The following ZNF208 variants were observed in gnomAD, a reference collection of about 807,000 sequenced individuals.
ZNF208 encodes zinc finger protein 208, also known as zinc finger protein 95.
ZNF208 carries 10 observed loss-of-function variants against 12.1 expected under a neutral mutation model. The observed-to-expected ratio is 0.83, with a 90% CI of 0.51 to 1.40. ZNF208 has a LOEUF of 1.40. Among genes scored for constraint, ZNF208 ranks in the 40% most tolerant of loss-of-function variants. The pLI, the probability that ZNF208 is intolerant of heterozygous loss-of-function variation, is 0.00. For synonymous variants in ZNF208, 497 were observed against 488.4 expected, an observed-to-expected ratio of 1.02 and a Z score of -0.23; for missense variants, 1,652 against 1,485.0, an observed-to-expected ratio of 1.11 and a Z score of -1.85.
chr19:22,010,699 C>G, intron 1 of ZNF208, 93 bp downstream of exon 1: 1 of 1,594,304 alleles, frequency 6.3e-7, no homozygotes, highest in Non-Finnish European at 8.6e-7. Flanking sequence ...GTGGAGCTGA[C>G]TGCGGGGAGG....
At chr19:21,999,930 C>A (rs1970913201) in intron 1 of ZNF208, among the ~76,000 whole-genome samples, 1 of 152,168 alleles carries the variant, frequency 6.6e-6, no homozygotes, top group South Asian at 2.1e-4. Context: ...ACAGCCAGGT[C>A]TCTGGACAAG....
downstream of ZNF208, among the ~76,000 whole-genome samples, chr19:21,964,691 T>C (rs1329592762): frequency 1.3e-5 from 2 of 151,766 alleles, no homozygotes; most frequent in Non-Finnish European, 3.0e-5. Context: ...TAGGATTAGC[T>C]TATTATTACA....
chr19:21,958,764 G>T (rs1970017786), intron 4 of ZNF208, among the ~76,000 whole-genome samples: 1 of 136,680 alleles, frequency 7.3e-6, no homozygotes, highest in Non-Finnish European at 1.6e-5. Context: ...CCTCTCCAGT[G>T]AGGAATAGCC....
intron 1 of ZNF208, among the ~76,000 whole-genome samples, chr19:22,006,273 C>G (rs1971042571): frequency 6.6e-6 from 1 of 152,060 alleles, no homozygotes; most frequent in Non-Finnish European, 1.5e-5. Context: ...TTGCTTTTCC[C>G]TAGGAAAAAA....
In ZNF208 at chr19:21,999,568, T is replaced by C. The variant is rs372990473; in HGVS notation, c.4-10659A>G. Among the ~76,000 whole-genome samples the C allele has an allele frequency of 5.9e-5, 9 of 152,176 alleles. No homozygotes were observed. In the East Asian group the frequency reaches 1.2e-3, roughly 20 times the overall value. ...CAGGATCTTTTAGTCTTTATTATTCTGTATTGCTAAATTTAATCCAATCTT... is the reference window on the plus strand; with the variant it reads ...CAGGATCTTTTAGTCTTTATTATTCCGTATTGCTAAATTTAATCCAATCTT... On this transcript the variant is annotated intron_variant, in intron 1 of 3. Transcript: ENST00000397126.
In ZNF208 at chr19:21,999,507, AC is replaced by A. The variant is rs1188714905; in HGVS notation, c.4-10599del. Among the ~76,000 whole-genome samples, 3 of 152,106 alleles carry A rather than the reference AC, an allele frequency of 2.0e-5. No homozygotes were observed. The East Asian group carries it at 5.8e-4, about 29-fold the overall frequency. ...TAAGTATGTCAGCCAGCAAATAATC[AC>A]CCTGGATAATCAGGTTTCTGCCAAA... On this transcript the variant is annotated intron_variant, in intron 1 of 3. Transcript: ENST00000397126.
intron 4 of ZNF208, among the ~76,000 whole-genome samples, chr19:21,949,619 G>A (rs1008738512): frequency 5.9e-5 from 9 of 152,134 alleles, no homozygotes; most frequent in South Asian, 2.1e-4. Flanking sequence ...ACTAAAGCAA[G>A]CCTTACATAA....
intron 3 of ZNF208, among the ~76,000 whole-genome samples, chr19:21,978,643 C>T (rs1220182532): frequency 3.3e-5 from 5 of 152,134 alleles, no homozygotes; most frequent in Non-Finnish European, 7.4e-5. Flanking sequence ...GCTGAAAATT[C>T]CAAAACCCAG....
At chr19:21,950,263 T>G (rs1969869932) in intron 4 of ZNF208, among the ~76,000 whole-genome samples, 1 of 152,148 alleles carries the variant, frequency 6.6e-6, no homozygotes, top group African/African-American at 2.4e-5. Context: ...TTTTATCCAC[T>G]CTTTCTTGTC....
At chr19:22,005,448 GT>G (rs754569699) in intron 1 of ZNF208, among the ~76,000 whole-genome samples, 8 of 152,152 alleles carry the variant, frequency 5.3e-5, no homozygotes, top group Admixed American at 3.3e-4. Context: ...CAGGCCAGGA[GT>G]CTGTGATATC....
At chr19:21,994,206 A>G (rs1970788804) in intron 1 of ZNF208, among the ~76,000 whole-genome samples, 1 of 152,180 alleles carries the variant, frequency 6.6e-6, no homozygotes, top group African/African-American at 2.4e-5. Context: ...CTTGTGAATC[A>G]ACTACTAGAT....
intron 4 of ZNF208, chr19:21,941,182 G>A (rs1472683875): frequency 1.5e-5 from 6 of 395,342 alleles, no homozygotes; most frequent in Non-Finnish European, 2.7e-5. Flanking sequence ...GAGCGGCTGA[G>A]GGTGAAGCTG....
At chr19:21,944,949 A>G (rs540973708) in intron 4 of ZNF208, among the ~76,000 whole-genome samples, 1 of 152,338 alleles carries the variant, frequency 6.6e-6, no homozygotes, top group South Asian at 2.1e-4. Flanking sequence ...CAGCTTATTC[A>G]AGCAAAGCTC....
chr19:21,952,901 A>C (rs1185829626), intron 4 of ZNF208, among the ~76,000 whole-genome samples: 6 of 152,178 alleles, frequency 3.9e-5, no homozygotes, highest in African/African-American at 1.4e-4. Flanking sequence ...AAACAAACAC[A>C]AGGAAGCTAA....
At position 21,974,551 on chromosome 19, in the gene ZNF208, G is replaced by C. The variant is rs1970389761; in HGVS notation, c.483C>G (p.Asn161Lys). 6.2e-7 allele frequency: 1 copy of C among 1,613,434 alleles called. No individual in the cohort carries two copies. Among genetic ancestry groups the C allele is most frequent in the Admixed American group, 1.7e-5 (1 of 59,932 alleles). Reference sequence around the variant, plus strand: ...TTCCAGTATGCCTTATCTTATGTCTGTTTGAATTTGAACATTTATGAAAGA... The same window carrying C: ...TTCCAGTATGCCTTATCTTATGTCTCTTTGAATTTGAACATTTATGAAAGA... The part of the protein sequence containing the change: ...ANVFHKCSNS[N>K]RHKIRHTGKK... The change falls in exon 4 of 4, where the codon AAC becomes AAG. Residue 161 changes from asparagine to lysine, a missense_variant. Transcript: ENST00000397126.
In ZNF208 at chr19:21,974,691, T is replaced by G; in HGVS notation, c.343A>C (p.Ile115Leu). The change falls in exon 4 of 4, where the codon ATT becomes CTT. Residue 115 changes from isoleucine to leucine, a missense_variant. By Grantham distance (5) the Ile-to-Leu change is conservative. Around this residue, in one of 3 missense-constraint regions of ZNF208, gnomAD observed 410 missense variants for 378.2 expected, o/e 1.08. Coordinates refer to ENST00000397126, the MANE Select transcript of ZNF208 (RefSeq NM_007153.3). ...CACTCATCCACATTGGTATAACCAA[T>G]TTTTAAGTGTAAATTCTCATGTCCA... is the stretch of plus-strand genomic sequence containing the variant. ...KCGHENLHLK[I>L]GYTNVDECKV... 6.2e-7 allele frequency: 1 copy of G among 1,613,580 alleles called. No homozygotes were observed. The highest frequency in any genetic ancestry group is 8.5e-7 in the Non-Finnish European group (1 of 1,179,704).
chr19:22,001,158 G>A (rs1468157475), intron 1 of ZNF208, among the ~76,000 whole-genome samples: 2 of 152,146 alleles, frequency 1.3e-5, no homozygotes, highest in Admixed American at 6.5e-5. Flanking sequence ...AGTGGTGCAT[G>A]CCTGTAATCT....
intron 1 of ZNF208, among the ~76,000 whole-genome samples, chr19:21,990,282 A>G (rs1402467003): frequency 6.6e-6 from 1 of 152,210 alleles, no homozygotes; most frequent in Admixed American, 6.5e-5. Flanking sequence ...GAAGGGATCC[A>G]GTTTCAGCTT....
At chr19:22,008,938 C>A (rs921846460) in intron 1 of ZNF208, among the ~76,000 whole-genome samples, 3 of 152,122 alleles carry the variant, frequency 2.0e-5, no homozygotes, top group African/African-American at 7.2e-5. Flanking sequence ...TCACTAGACG[C>A]TCTCGCAGAC....
Sources: allele counts gnomAD v4.1 joint callset (sites outside exome capture counted in the v4.1 genomes callset), GRCh38; gene constraint gnomAD v4.1.1; regional missense constraint gnomAD v4.1.1; transcripts MANE v1.5; gene names NCBI Gene and HGNC (gene_info 2026-07-23, HGNC 2026-07-21).